VAV3: variants seen among roughly 807,000 people sequenced by gnomAD.
The protein encoded by VAV3 is guanine nucleotide exchange factor VAV3.
VAV3 carries 94 observed loss-of-function variants against 131.2 expected under a neutral mutation model. The observed-to-expected ratio is 0.72, with a 90% CI of 0.61 to 0.85. The LOEUF is 0.85. VAV3 is among the 40% of genes least tolerant of loss of function. VAV3 has a pLI of 0.00. For missense variants in VAV3, 939 were observed against 1,002.7 expected (o/e 0.94, Z 0.86); for synonymous variants, 349 against 342.0 (o/e 1.02, Z -0.22).
At chr1:107,583,487 CATG>C (rs1197662938) in intron 25 of VAV3, among the ~76,000 whole-genome samples, 1 of 152,110 alleles carries the variant, frequency 6.6e-6, no homozygotes, top group Non-Finnish European at 1.5e-5. Flanking sequence ...TTGCAGATGA[CATG>C]ATTGTATATC....
chr1:107,762,138 C>T (rs1220219151), intron 9 of VAV3, among the ~76,000 whole-genome samples: 1 of 148,514 alleles, frequency 6.7e-6, no homozygotes, highest in African/African-American at 2.5e-5. Flanking sequence ...AAAAAAGGGC[C>T]ATACAAATAT....
chr1:107,742,689 T>C (rs1663093577), intron 15 of VAV3, among the ~76,000 whole-genome samples: 1 of 152,176 alleles, frequency 6.6e-6, no homozygotes, highest in Admixed American at 6.5e-5. Flanking sequence ...TCTCTAACCA[T>C]GAGGTTCAAC....
intron 1 of VAV3, among the ~76,000 whole-genome samples, chr1:107,944,792 G>A (rs1674168919): frequency 6.6e-6 from 1 of 152,094 alleles, no homozygotes; most frequent in Admixed American, 6.6e-5. Context: ...TTTTAGTAGA[G>A]ACAGGGTTTC....
At chr1:107,601,086 T>C (rs1055556362) in intron 24 of VAV3, among the ~76,000 whole-genome samples, 2 of 152,172 alleles carry the variant, frequency 1.3e-5, no homozygotes, top group Non-Finnish European at 2.9e-5. Context: ...TGTCATTCAT[T>C]ATTTGTGCAT....
chr1:107,615,131 C>T (rs1235410155), intron 21 of VAV3, among the ~76,000 whole-genome samples: 1 of 151,968 alleles, frequency 6.6e-6, no homozygotes, highest in Non-Finnish European at 1.5e-5. Flanking sequence ...CATTATAGAC[C>T]AATGAAACAG....
In VAV3 at chr1:107,705,014, T is replaced by C. The variant is rs1240151580; in HGVS notation, c.1550A>G (p.Lys517Arg). The C allele has an allele frequency of 4.3e-6, 7 of 1,613,822 alleles. No individual in the cohort carries two copies. The highest frequency in any genetic ancestry group is 1.7e-5 in the Admixed American group (1 of 59,970). Reference sequence around the variant, plus strand: ...TGTGACTCGAGTGAAGGTATGCATCTTGAAGTCGTGGAAATTGGAGTCTGC... The same window carrying C: ...TGTGACTCGAGTGAAGGTATGCATCCTGAAGTCGTGGAAATTGGAGTCTGC... ...DYADSNFHDF[K>R]MHTFTRVTSC... The change falls in exon 16 of 27, where the codon AAG becomes AGG. Residue 517 changes from lysine (K) to arginine (R), a missense_variant. Coordinates refer to ENST00000370056, the MANE Select transcript of VAV3 (RefSeq NM_006113.5).
intron 2 of VAV3, among the ~76,000 whole-genome samples, chr1:107,793,133 C>T (rs528657350): frequency 1.3e-5 from 2 of 152,086 alleles, no homozygotes; most frequent in Non-Finnish European, 2.9e-5. Context: ...CTCAAGACAA[C>T]CTTATGAACA....
intron 2 of VAV3, among the ~76,000 whole-genome samples, chr1:107,781,646 A>C (rs1665697726): frequency 6.6e-6 from 1 of 152,206 alleles, no homozygotes; most frequent in Admixed American, 6.5e-5. Flanking sequence ...AGATGAGCTA[A>C]TTTACTGACC....
rs182442941 is a variant in VAV3 at position 107,711,981 on chromosome 1, C to A, written c.1503-6920G>T. On this transcript the variant is annotated intron_variant, in intron 15 of 26. Coordinates refer to ENST00000370056, the MANE Select transcript of VAV3 (RefSeq NM_006113.5). ...CATTACAGGTGTGAGCCACCGTGCCCGACAACGCATTCAATAAATTAAAAG... is the reference window on the plus strand; with the variant it reads ...CATTACAGGTGTGAGCCACCGTGCCAGACAACGCATTCAATAAATTAAAAG... Among the ~76,000 whole-genome samples the A allele has an allele frequency of 2.6e-5, 4 of 152,154 alleles. No individual in the cohort carries two copies. In the East Asian group the frequency reaches 7.7e-4, roughly 29 times the overall value.
chr1:107,578,187 C>T (rs1441027321), intron 25 of VAV3, among the ~76,000 whole-genome samples: 2 of 152,228 alleles, frequency 1.3e-5, no homozygotes, highest in Non-Finnish European at 2.9e-5. Flanking sequence ...CTCATATACA[C>T]ACTGATGCAT....
chr1:107,677,515 C>G (rs1312600618), intron 19 of VAV3, among the ~76,000 whole-genome samples: 3 of 152,048 alleles, frequency 2.0e-5, no homozygotes, highest in Non-Finnish European at 4.4e-5. Context: ...ATAGATATGG[C>G]AAAGGAAGTC....
At chr1:107,904,152 C>A (rs11185211) in intron 1 of VAV3, among the ~76,000 whole-genome samples, 24,512 of 152,112 alleles carry the variant, frequency 0.16, 2,082 homozygotes, top group South Asian at 0.22. Flanking sequence ...AGGGCCACTA[C>A]GTAGACACTG....
intron 15 of VAV3, among the ~76,000 whole-genome samples, chr1:107,719,043 T>C (rs573267182): frequency 4.3e-4 from 66 of 152,318 alleles, no homozygotes; most frequent in Non-Finnish European, 7.6e-4. Context: ...TTACACCTTA[T>C]ACAAACATTA....
At chr1:107,651,249 G>C (rs1231155965) in intron 19 of VAV3, among the ~76,000 whole-genome samples, 2 of 152,136 alleles carry the variant, frequency 1.3e-5, no homozygotes, top group African/African-American at 4.8e-5. Flanking sequence ...TTTTGTTGGA[G>C]CAGCCTAAAC....
chr1:107,785,815 T>G (rs1201393493), intron 2 of VAV3, among the ~76,000 whole-genome samples: 1 of 152,228 alleles, frequency 6.6e-6, no homozygotes, highest in Non-Finnish European at 1.5e-5. Flanking sequence ...CCAGGTTATC[T>G]GACAATTAGG....
At chr1:107,936,183 T>A (rs1673702921) in intron 1 of VAV3, among the ~76,000 whole-genome samples, 1 of 152,070 alleles carries the variant, frequency 6.6e-6, no homozygotes, top group African/African-American at 2.4e-5. Flanking sequence ...CACCCACAAT[T>A]TTTTTTAGTA....
intron 4 of VAV3, among the ~76,000 whole-genome samples, chr1:107,776,526 G>T (rs1476147641): frequency 1.3e-5 from 2 of 152,276 alleles, no homozygotes; most frequent in African/African-American, 4.8e-5. Context: ...AGGTGTAAAG[G>T]TCACAAGGCT....
intron 15 of VAV3, among the ~76,000 whole-genome samples, chr1:107,723,411 A>G (rs754986478): frequency 2.3e-4 from 34 of 150,042 alleles, no homozygotes; most frequent in Non-Finnish European, 4.4e-4. Context: ...AAAATGCTGC[A>G]GCCACCAGCT....
rs759664391 is a variant in VAV3, at chr1:107,749,606, AGATT to A, written c.1260-16_1260-13del. 5.8e-5 allele frequency: 93 copies of A among 1,606,478 alleles called. No individual in the cohort carries two copies. In the East Asian group the frequency reaches 1.4e-3, roughly 24 times the overall value. On this transcript the variant is annotated splice_polypyrimidine_tract_variant and intron_variant, in intron 13 of 26. Transcript: ENST00000370056. ...ATAAGAAGATATGCCTGGGAAAAAG[AGATT>A]GATTGATTGATTTTAAATGGTTTAG...
Sources: allele counts gnomAD v4.1 joint callset (sites outside exome capture counted in the v4.1 genomes callset), GRCh38; gene constraint gnomAD v4.1.1; transcripts MANE v1.5; gene names NCBI Gene and HGNC (gene_info 2026-07-23, HGNC 2026-07-21).